CLYBL: variants seen among roughly 807,000 people sequenced by gnomAD.
CLYBL encodes citramalyl-CoA lyase, mitochondrial.
CLYBL carries 31 observed loss-of-function variants against 38.9 expected under a neutral mutation model. The observed-to-expected ratio is 0.80, with a 90% CI of 0.60 to 1.08. CLYBL has a LOEUF of 1.08. CLYBL is among the 50% of genes least tolerant of loss of function. The pLI is 0.00. For synonymous variants in CLYBL, 171 were observed against 158.6 expected (o/e 1.08, Z -0.59); for missense variants, 434 against 411.6 (o/e 1.05, Z -0.47).
intron 7 of CLYBL, among the ~76,000 whole-genome samples, chr13:99,887,579 G>A (rs2052381258): frequency 6.6e-6 from 1 of 152,046 alleles, no homozygotes; most frequent in Non-Finnish European, 1.5e-5. Context: ...GGCAACATAG[G>A]GAGGCCTCGT....
intron 7 of CLYBL, among the ~76,000 whole-genome samples, chr13:99,877,194 C>G (rs1032653706): frequency 3.3e-5 from 5 of 152,198 alleles, no homozygotes; most frequent in African/African-American, 1.2e-4. Flanking sequence ...GACAGGTCCC[C>G]AGAGTCACAC....
chr13:99,845,125 T>C (rs2051169524), intron 2 of CLYBL, among the ~76,000 whole-genome samples: 1 of 152,182 alleles, frequency 6.6e-6, no homozygotes, highest in Non-Finnish European at 1.5e-5. Context: ...CCAGAGGCCC[T>C]TCCTGGCAGA....
At chr13:99,711,011 C>T (rs973223796) in intron 1 of CLYBL, among the ~76,000 whole-genome samples, 1 of 151,256 alleles carries the variant, frequency 6.6e-6, no homozygotes, top group Admixed American at 6.6e-5. Context: ...CCTCAGCCTC[C>T]TGAGTAGCTG....
At chr13:99,654,489 C>T (rs1235504782) in intron 1 of CLYBL, among the ~76,000 whole-genome samples, 1 of 152,224 alleles carries the variant, frequency 6.6e-6, no homozygotes. Flanking sequence ...TCTCCCAAGT[C>T]TTCTCTTTCC....
At chr13:99,854,155 T>C (rs967240730) in intron 2 of CLYBL, among the ~76,000 whole-genome samples, 1 of 152,166 alleles carries the variant, frequency 6.6e-6, no homozygotes, top group African/African-American at 2.4e-5. Context: ...AAATCTTGGG[T>C]CGCACATAGC....
At position 99,772,969 on chromosome 13, in the gene CLYBL, G is replaced by T; in HGVS notation, c.208G>T (p.Ala70Ser). ...KKIPSLNVDC[A>S]VLDCEDGVAA... Reference sequence around the variant, plus strand: ...GATTCCATCCCTGAATGTAGATTGTGCAGTGCTCGACTGTGAGGATGGAGT... The same window carrying T: ...GATTCCATCCCTGAATGTAGATTGTTCAGTGCTCGACTGTGAGGATGGAGT... The change falls in exon 2 of 9, where the codon GCA (alanine) becomes TCA (serine). Residue 70 changes from alanine to serine, a missense_variant. Transcript: ENST00000339105. 7 of 1,613,400 alleles carry T rather than the reference G, an allele frequency of 4.3e-6. No individual in the cohort carries two copies. Among genetic ancestry groups the T allele is most frequent in the Non-Finnish European group, 5.9e-6 (7 of 1,179,880 alleles).
chr13:99,791,566 G>A (rs1383972348), intron 2 of CLYBL, among the ~76,000 whole-genome samples: 3 of 152,036 alleles, frequency 2.0e-5, no homozygotes, highest in African/African-American at 7.2e-5. Context: ...GTGACCTTGG[G>A]GAAATTAATT....
chr13:99,876,646 T>C (rs1313196210), intron 7 of CLYBL, among the ~76,000 whole-genome samples: 1 of 152,180 alleles, frequency 6.6e-6, no homozygotes, highest in African/African-American at 2.4e-5. Flanking sequence ...GTCAGATGCC[T>C]TCAGTTTATG....
intron 1 of CLYBL, among the ~76,000 whole-genome samples, chr13:99,701,768 A>G (rs909805167): frequency 6.6e-6 from 1 of 152,098 alleles, no homozygotes; most frequent in Non-Finnish European, 1.5e-5. Flanking sequence ...TCTGCCTCCC[A>G]AGTTCTAGTG....
chr13:99,728,819 A>G (rs956797685), intron 1 of CLYBL, among the ~76,000 whole-genome samples: 41 of 152,104 alleles, frequency 2.7e-4, no homozygotes, highest in African/African-American at 9.7e-4. Flanking sequence ...CTGGGCTCAA[A>G]GAAGCCTCCC....
At chr13:99,704,103 G>A (rs2139468166) in intron 1 of CLYBL, among the ~76,000 whole-genome samples, 1 of 152,300 alleles carries the variant, frequency 6.6e-6, no homozygotes, top group South Asian at 2.1e-4. Context: ...ACAAGAGAAG[G>A]AGACTTCTTT....
rs184065647 is a variant in CLYBL, at chr13:99,841,441, C to T, written c.250-17420C>T. 9.6e-4 allele frequency among the ~76,000 whole-genome samples: 146 copies of T among 152,260 alleles called. 1 individual carries two copies. Among genetic ancestry groups the T allele is most frequent in the Middle Eastern group, 3.4e-3 (1 of 294 alleles). ...TTTTAAGACAGTCTCAGCCTGTCAC[C>T]CAGGCTGAAGTGCAGTGGTGTAGTC... On this transcript the variant is annotated intron_variant, in intron 2 of 8. Transcript: ENST00000339105.
intron 1 of CLYBL, among the ~76,000 whole-genome samples, chr13:99,639,215 T>C (rs1594096012): frequency 1.3e-5 from 2 of 152,218 alleles, no homozygotes; most frequent in East Asian, 3.8e-4. Flanking sequence ...AGTACTGTTA[T>C]AGATGCTGGG....
chr13:99,670,785 C>T (rs1386027668), intron 1 of CLYBL, among the ~76,000 whole-genome samples: 1 of 152,192 alleles, frequency 6.6e-6, no homozygotes, highest in African/African-American at 2.4e-5. Context: ...GGTCTCTGCT[C>T]ATTGGGAATA....
chr13:99,863,184 TGTTTCTA>T, intron 4 of CLYBL, 92 bp downstream of exon 4: 1 of 625,288 alleles, frequency 1.6e-6, no homozygotes, highest in Non-Finnish European at 2.7e-6. Context: ...TCTTAAAATG[TGTTTCTA>T]GAAAGATTTA....
At chr13:99,778,978 A>G (rs1191956434) in intron 2 of CLYBL, among the ~76,000 whole-genome samples, 1 of 152,224 alleles carries the variant, frequency 6.6e-6, no homozygotes, top group Non-Finnish European at 1.5e-5. Context: ...CTACTCAACT[A>G]GTTGCCATGG....
chr13:99,723,610 A>T (rs776768627), intron 1 of CLYBL, among the ~76,000 whole-genome samples: 1 of 152,188 alleles, frequency 6.6e-6, no homozygotes, highest in African/African-American at 2.4e-5. Flanking sequence ...CTTGAGGCCC[A>T]TCTTTTCCGT....
intron 1 of CLYBL, among the ~76,000 whole-genome samples, chr13:99,608,130 G>A (rs1362741939): frequency 7.0e-6 from 1 of 143,772 alleles, no homozygotes; most frequent in Non-Finnish European, 1.5e-5. Context: ...GGAGTGCAAT[G>A]GCGCCATCTC....
chr13:99,634,034 A>G (rs184371571), intron 1 of CLYBL, among the ~76,000 whole-genome samples: 261 of 152,300 alleles, frequency 1.7e-3, no homozygotes, highest in Non-Finnish European at 2.9e-3. Flanking sequence ...TCCCTTAACA[A>G]ACACTCAGCA....
Sources: gnomAD v4.1 joint callset for allele counts (sites outside exome capture counted in the v4.1 genomes callset) on GRCh38, gnomAD v4.1.1 for gene constraint, MANE v1.5 for transcripts, NCBI Gene and HGNC (gene_info 2026-07-23, HGNC 2026-07-21) for gene names.